The following RC3H1 variants were observed in gnomAD, a reference collection of about 807,000 sequenced individuals.
RC3H1 encodes roquin-1.
A neutral mutation model predicts 138.2 loss-of-function variants in RC3H1; 50 were observed. The ratio of observed to expected loss-of-function variants is 0.36; its 90% confidence interval spans 0.29 to 0.46. The LOEUF is 0.46. Among genes scored for constraint, RC3H1 ranks in the 20% least tolerant of loss-of-function variants. The pLI, the probability that RC3H1 is intolerant of heterozygous loss-of-function variation, is 1.00. For missense variants in RC3H1, 1,031 were observed against 1,388.1 expected (o/e 0.74, Z 4.09); for synonymous variants, 462 against 489.1 (o/e 0.94, Z 0.73).
chr1:173,991,402 T>C (rs1661282760), intron 2 of RC3H1, among the ~76,000 whole-genome samples: 1 of 152,238 alleles, frequency 6.6e-6, no homozygotes, highest in Non-Finnish European at 1.5e-5. Flanking sequence ...TATAAGACCA[T>C]GTCATCTGTG....
At chr1:173,986,748 G>A (rs1296852852) in intron 2 of RC3H1, among the ~76,000 whole-genome samples, 1 of 152,140 alleles carries the variant, frequency 6.6e-6, no homozygotes, top group African/African-American at 2.4e-5. Flanking sequence ...ATTTTTAGTA[G>A]AGACAGGATT....
At chr1:173,939,783 C>G (rs527849681) in intron 19 of RC3H1, among the ~76,000 whole-genome samples, 9 of 151,174 alleles carry the variant, frequency 6.0e-5, no homozygotes, top group African/African-American at 2.2e-4. Flanking sequence ...TGCAGTGAGC[C>G]GAGATCATGC....
At chr1:173,953,937 G>A (rs1259316589) in intron 13 of RC3H1, among the ~76,000 whole-genome samples, 2 of 152,098 alleles carry the variant, frequency 1.3e-5, no homozygotes, top group Non-Finnish European at 1.5e-5. Context: ...TACTCGAGAG[G>A]TTGAGGCAGG....
chr1:174,019,768 TG>T (rs1415207914), intron 1 of RC3H1, among the ~76,000 whole-genome samples: 1 of 152,154 alleles, frequency 6.6e-6, no homozygotes, highest in African/African-American at 2.4e-5. Context: ...GTTGAGTTTG[TG>T]TCAAAACTTA....
At position 174,022,162 on chromosome 1, in the gene RC3H1, G is replaced by C; in HGVS notation, c.-217C>G. 2.5e-6 allele frequency: 1 copy of C among 392,938 alleles called. No homozygotes were observed. 24.3% of individuals were successfully genotyped at this position (392,938 alleles called of 1,614,324 possible). ...CGCGGCCGTCGCCACCGCCGCGGCA[G>C]CCGCCGCCGCCGCCGAGGCCACCGT... On this transcript the variant is annotated 5_prime_UTR_variant, in exon 1 of 20. Transcript: ENST00000367696. The surrounding 1 kb of genome is among the most constrained non-coding windows in gnomAD (Gnocchi z 4.2).
chr1:173,990,133 A>G (rs1245346060), intron 2 of RC3H1, among the ~76,000 whole-genome samples: 4 of 150,606 alleles, frequency 2.7e-5, no homozygotes, highest in Admixed American at 6.6e-5. Flanking sequence ...GTTGGAGTGC[A>G]GTGGTGTGAT....
rs1392761760 is a variant in RC3H1 at position 174,003,929 on chromosome 1, G to C, written c.-150-10794C>G. Among the ~76,000 whole-genome samples, 4 of 151,638 alleles carry C rather than the reference G, an allele frequency of 2.6e-5. No homozygotes were observed. In the East Asian group the frequency reaches 7.7e-4, roughly 29 times the overall value. The stretch of plus-strand genomic sequence containing the variant: ...GCCCACCTCGGCCTCCCAAAGTGCT[G>C]AGATTACAGGCATAAGCCACTGCGC... On this transcript the variant is annotated intron_variant, in intron 1 of 19. Transcript: ENST00000367696.
chr1:173,994,808 A>G (rs991003665), intron 1 of RC3H1, among the ~76,000 whole-genome samples: 8 of 151,764 alleles, frequency 5.3e-5, no homozygotes, highest in African/African-American at 1.2e-4. Context: ...AAAAAAAAAA[A>G]AAAAAAGAAA....
intron 4 of RC3H1, 115 bp downstream of exon 4, chr1:173,983,303 A>G: frequency 7.9e-7 from 1 of 1,260,258 alleles, no homozygotes; most frequent in Non-Finnish European, 1.1e-6. Flanking sequence ...CAAACAAGAT[A>G]TTAGTTGGTA....
Position 173,985,894 on chromosome 1 carries a change from A to G in RC3H1, c.232-1275T>C, listed in dbSNP as rs1337739853. ...CCATTTGTATATCTTCTCTGGAAGA[A>G]TATCTATTCAGATCCTTTGCCCATT... On this transcript the variant is annotated intron_variant, in intron 2 of 19. Transcript: ENST00000367696. Among the ~76,000 whole-genome samples the G allele has an allele frequency of 2.0e-5, 3 of 152,230 alleles. No homozygotes were observed. The East Asian group carries it at 5.8e-4, about 29-fold the overall frequency.
At chr1:173,958,724 A>G (rs1659746735) in intron 13 of RC3H1, among the ~76,000 whole-genome samples, 1 of 152,150 alleles carries the variant, frequency 6.6e-6, no homozygotes. Flanking sequence ...GCATTGTCAT[A>G]CAGAAATACA....
In RC3H1 at chr1:173,949,648, T is replaced by C. The variant is rs374949165; in HGVS notation, c.2524-2066A>G. Reference sequence around the variant, plus strand: ...CCTCTGAAAGTGCTGGGATTATAGGTATGAGCCACAGTACCCAGCCAGCAA... The same window carrying C: ...CCTCTGAAAGTGCTGGGATTATAGGCATGAGCCACAGTACCCAGCCAGCAA... On this transcript the variant is annotated intron_variant, in intron 14 of 19. Transcript: ENST00000367696. Among the ~76,000 whole-genome samples the C allele has an allele frequency of 7.2e-5, 11 of 152,078 alleles. No individual in the cohort carries two copies. The East Asian group carries it at 9.6e-4, about 13-fold the overall frequency.
intron 1 of RC3H1, among the ~76,000 whole-genome samples, chr1:174,002,393 G>T (rs1444608908): frequency 6.6e-6 from 1 of 152,140 alleles, no homozygotes; most frequent in East Asian, 1.9e-4. Flanking sequence ...TATGTTTCAG[G>T]TTGTTAAATA....
At chr1:173,998,585 T>A (rs189721750) in intron 1 of RC3H1, among the ~76,000 whole-genome samples, 127 of 152,336 alleles carry the variant, frequency 8.3e-4, no homozygotes, top group Non-Finnish European at 1.1e-3. Flanking sequence ...AAGACTGCTT[T>A]ATTCAGTTAT....
In RC3H1 at chr1:173,970,574, A is replaced by G. The variant is rs765866164; in HGVS notation, c.1265T>C (p.Met422Thr). ...SKYKTYMCRD[M>T]KQRGGCPRGA... ...ACGAGGGCATCCTCCTCTCTGCTTC[A>G]TATCTCGACACATGTATGTTTTGTA... The change falls in exon 9 of 20, where the codon ATG becomes ACG. Residue 422 changes from methionine to threonine, a missense_variant. This residue lies in a region of RC3H1 where 142 missense variants were observed against 224.6 expected (regional missense o/e 0.63). Transcript: ENST00000367696. 6 of 1,613,856 alleles carry G rather than the reference A, an allele frequency of 3.7e-6. No homozygotes were observed. The highest frequency in any genetic ancestry group is 1.3e-5 in the African/African-American group (1 of 74,904).
chr1:173,965,880 C>T (rs1477735269), intron 9 of RC3H1, among the ~76,000 whole-genome samples: 1 of 152,198 alleles, frequency 6.6e-6, no homozygotes, highest in African/African-American at 2.4e-5. Flanking sequence ...GTGGCTCACA[C>T]CAGTAATCCC....
chr1:173,998,964 C>T (rs953240922), intron 1 of RC3H1, among the ~76,000 whole-genome samples: 4 of 151,712 alleles, frequency 2.6e-5, no homozygotes, highest in Non-Finnish European at 4.4e-5. Flanking sequence ...TGTGGTGGCA[C>T]GTACTTGTAG....
intron 3 of RC3H1, 117 bp from the exon 4 acceptor site, chr1:173,983,774 T>C (rs1336059821): frequency 2.1e-6 from 2 of 972,856 alleles, no homozygotes; most frequent in Admixed American, 2.4e-5. Context: ...TACTAGAGTA[T>C]TTAAAATAAG....
rs60694243 is a variant in RC3H1 at position 173,942,428 on chromosome 1, C to CAAAA, written c.3135+1010_3135+1013dup. On this transcript the variant is annotated intron_variant, in intron 18 of 19. Coordinates refer to ENST00000367696, the MANE Select transcript of RC3H1 (RefSeq NM_172071.4). ...ACCCTGGGTGACAGAGACTCAGTCTCAAAAAAAAAAAAAAAAAAAAAAGAA... is the reference window on the plus strand; with the variant it reads ...ACCCTGGGTGACAGAGACTCAGTCTCAAAAAAAAAAAAAAAAAAAAAAAAAAGAA... 4.5e-3 allele frequency among the ~76,000 whole-genome samples: 172 copies of CAAAA among 38,044 alleles called. 8 individuals carry two copies. The highest frequency in any genetic ancestry group is 0.012 in the African/African-American group (81 of 6,980). 25.0% of individuals were successfully genotyped at this position (38,044 alleles called of 152,430 possible). A position where few individuals can be genotyped will look rare whatever the true frequency, so the allele number is the denominator to read the frequency against.
Sources: gnomAD v4.1 joint callset for allele counts (sites outside exome capture counted in the v4.1 genomes callset) on GRCh38, gnomAD v4.1.1 for gene constraint, gnomAD v4.1.1 regional missense constraint, Gnocchi (gnomAD v3.1) non-coding constraint, MANE v1.5 for transcripts, NCBI Gene and HGNC (gene_info 2026-07-23, HGNC 2026-07-21) for gene names.